The following NCBP2 variants were observed in gnomAD, a reference collection of about 807,000 sequenced individuals.
NCBP2 encodes nuclear cap binding protein subunit 2.
In NCBP2, 8 loss-of-function variants were observed where a neutral mutation model predicts 21.5. The observed-to-expected ratio is 0.37, with a 90% CI of 0.22 to 0.67. The LOEUF is 0.67. Ranked by LOEUF, NCBP2 falls within the 30% of genes least tolerant of loss-of-function variation. The pLI, the probability that NCBP2 is intolerant of heterozygous loss-of-function variation, is 0.56. For missense variants in NCBP2, 127 were observed against 206.9 expected, an observed-to-expected ratio of 0.61 and a Z score of 2.37; for synonymous variants, 92 against 75.8, an observed-to-expected ratio of 1.21 and a Z score of -1.11.
chr3:196,937,478 A>C (rs1160510137), intron 3 of NCBP2, 32 bp downstream of exon 3: 3 of 1,610,544 alleles, frequency 1.9e-6, no homozygotes, highest in Admixed American at 1.7e-5. Context: ...AATCCCAGGC[A>C]ATGGCTGAGC....
At chr3:196,938,428 TAAATTGGGCCTGCA>T (rs1194480541) in intron 2 of NCBP2, 1 of 152,110 alleles carries the variant, frequency 6.6e-6, no homozygotes. Context: ...AAAGATATAT[TAAATTGGGCCTGCA>T]AAATTTCTCA....
rs141568009 is a variant in NCBP2 at position 196,942,459 on chromosome 3, C to G, written c.45G>C (p.Val15=). The G allele has an allele frequency of 6.8e-6, 11 of 1,613,206 alleles. No individual in the cohort carries two copies. The highest frequency in any genetic ancestry group is 2.7e-5 in the African/African-American group (2 of 74,902). Reference sequence around the variant, plus strand: ...GCTGGTCCCGGTACTGGCTCAGCTCCACGTAGGAGTCGCTGCGCAGCGCCT... The same window carrying G: ...GCTGGTCCCGGTACTGGCTCAGCTCGACGTAGGAGTCGCTGCGCAGCGCCT... The part of the protein sequence containing the change: ...LLKALRSDSY[V]ELSQYRDQHF... The change falls in exon 1 of 4, where the codon GTG becomes GTC. Residue 15 remains valine, a synonymous_variant. Coordinates refer to ENST00000321256, the MANE Select transcript of NCBP2 (RefSeq NM_007362.5).
intron 1 of NCBP2, 149 bp from the exon 2 acceptor site, chr3:196,939,581 G>A (rs1331034787): frequency 2.9e-6 from 2 of 678,290 alleles, no homozygotes; most frequent in Non-Finnish European, 4.9e-6. Flanking sequence ...CCAAAAAGGG[G>A]GATGTCGACC....
At chr3:196,937,344 T>TAA in intron 3 of NCBP2, 166 bp downstream of exon 3, 3 of 989,682 alleles carry the variant, frequency 3.0e-6, no homozygotes, top group Non-Finnish European at 4.3e-6. Flanking sequence ...TTTCACGGTT[T>TAA]AAAAAAAAAA....
Position 196,935,406 on chromosome 3 carries a change from A to G in NCBP2, c.*1605T>C, listed in dbSNP as rs1323061483. ...GGCCAGGAAACAGGCAGCAACAACG[A>G]TAAGTTCATCCAGCTTTATTGAAAC... On this transcript the variant is annotated 3_prime_UTR_variant, in exon 4 of 4. Transcript: ENST00000321256. 2 of 152,236 alleles carry G rather than the reference A, an allele frequency of 1.3e-5. No individual in the cohort carries two copies. The highest frequency in any genetic ancestry group is 2.9e-5 in the Non-Finnish European group (2 of 68,040). The allele number at this position is 152,236 out of a possible 1,614,324, so 9.4% of individuals were successfully genotyped here. A position where few individuals can be genotyped will look rare whatever the true frequency, so the allele number is the denominator to read the frequency against.
intron 1 of NCBP2, chr3:196,941,584 A>C (rs1716570598): frequency 2.7e-6 from 1 of 374,600 alleles, no homozygotes. Flanking sequence ...AGAGCGCAGA[A>C]ACTGTCTTCC....
chr3:196,940,831 C>A (rs745930638), intron 1 of NCBP2: 1 of 152,306 alleles, frequency 6.6e-6, no homozygotes, highest in Non-Finnish European at 1.5e-5. Flanking sequence ...CTTAGGCATC[C>A]CAGCACTTTG....
chr3:196,941,283 G>A (rs1418198180), intron 1 of NCBP2: 1 of 152,078 alleles, frequency 6.6e-6, no homozygotes, highest in Non-Finnish European at 1.5e-5. Context: ...AGTAAGACGG[G>A]GTTTCACCAT....
At chr3:196,937,477 C>CAATG (rs776982845) in intron 3 of NCBP2, 33 bp downstream of exon 3, 2 of 1,610,178 alleles carry the variant, frequency 1.2e-6, no homozygotes, top group South Asian at 2.2e-5. Flanking sequence ...GAATCCCAGG[C>CAATG]AATGGCTGAG....
rs1186248524 is a variant in NCBP2, at chr3:196,942,499, G to C, written c.5C>G (p.Ser2Trp). The C allele has an allele frequency of 3.1e-6, 5 of 1,613,182 alleles. No homozygotes were observed. The highest frequency in any genetic ancestry group is 4.2e-6 in the Non-Finnish European group (5 of 1,179,842). The change falls in exon 1 of 4, where the codon TCG becomes TGG. Residue 2 changes from serine (S) to tryptophan (W), a missense_variant. Transcript: ENST00000321256. ...GCGCAGCGCCTTCAGGAGGCCACCC[G>C]ACATAGTGCAGAGAAGCGGACCACA... M[S>W]GGLLKALRSD...
intron 1 of NCBP2, chr3:196,942,028 C>A: frequency 6.5e-7 from 1 of 1,535,864 alleles, no homozygotes. Flanking sequence ...AGCAAAAAGC[C>A]CCGCATCTGC....
intron 3 of NCBP2, 139 bp downstream of exon 3, chr3:196,937,371 G>C: frequency 7.7e-7 from 1 of 1,295,940 alleles, no homozygotes; most frequent in Non-Finnish European, 1.1e-6. Flanking sequence ...CAAACCGTTG[G>C]GTGGTTTTCA....
At chr3:196,942,369 C>T in intron 1 of NCBP2, 57 bp downstream of exon 1, 1 of 1,583,212 alleles carries the variant, frequency 6.3e-7, no homozygotes, top group Non-Finnish European at 8.6e-7. Context: ...CAAGAGCAAA[C>T]CGTTTCTCAG....
chr3:196,941,770 T>C, intron 1 of NCBP2: 3 of 740,064 alleles, frequency 4.1e-6, no homozygotes, highest in Non-Finnish European at 6.5e-6. Flanking sequence ...CCACAAAATA[T>C]ACTGTGATAT....
intron 1 of NCBP2, 58 bp from the exon 2 acceptor site, chr3:196,939,490 T>G: frequency 8.0e-7 from 1 of 1,247,070 alleles, no homozygotes; most frequent in South Asian, 1.4e-5. Context: ...TTAAATAGTA[T>G]TTCTAAGTAC....
At position 196,935,719 on chromosome 3, in the gene NCBP2, T is replaced by C. The variant is rs892497988; in HGVS notation, c.*1292A>G. On this transcript the variant is annotated 3_prime_UTR_variant, in exon 4 of 4. Coordinates refer to ENST00000321256, the MANE Select transcript of NCBP2 (RefSeq NM_007362.5). ...GACTATTGGAAATTAGAAGGTACTT[T>C]GTTGCTAAGTGAAAAAAATGCACAT... 7 of 152,212 alleles carry C rather than the reference T, an allele frequency of 4.6e-5. No homozygotes were observed. Among genetic ancestry groups the C allele is most frequent in the African/African-American group, 1.7e-4 (7 of 41,452 alleles). 9.4% of individuals were successfully genotyped at this position (152,212 alleles called of 1,614,324 possible). A position where few individuals can be genotyped will look rare whatever the true frequency, so the allele number is the denominator to read the frequency against.
At chr3:196,937,302 G>C in intron 3 of NCBP2, 2 of 801,766 alleles carry the variant, frequency 2.5e-6, no homozygotes, top group Non-Finnish European at 3.9e-6. Context: ...GTTCAAGAAT[G>C]GTTGCTTGTT....
Position 196,939,291 on chromosome 3 carries a change from C to T in NCBP2, c.220G>A (p.Asp74Asn). 1 of 1,613,880 alleles carries T rather than the reference C, an allele frequency of 6.2e-7. No individual in the cohort carries two copies. Among genetic ancestry groups the T allele is most frequent in the Non-Finnish European group, 8.5e-7 (1 of 1,179,796 alleles). Residue 74 changes from aspartate (D) to asparagine (N), a missense_variant, in exon 2 of 4, where the codon GAT becomes AAT. By Grantham distance (23) the Asp-to-Asn change is conservative. Coordinates refer to ENST00000321256, the MANE Select transcript of NCBP2 (RefSeq NM_007362.5). ...GDIKKIIMGL[D>N]KMKKTACGFC... The stretch of plus-strand genomic sequence containing the variant: ...CCACATGCTGTTTTCTTCATTTTAT[C>T]CAGACCCATAATGATTTTCTTTATG...
chr3:196,935,655 A>G lies in NCBP2; in HGVS notation c.*1356T>C, dbSNP rs1455009006. On this transcript the variant is annotated 3_prime_UTR_variant, in exon 4 of 4. Transcript: ENST00000321256. ...ATTTCTACACTCAGTTTAACGGGAG[A>G]GACATTCACACTTAGGTACTTCAGC... 1 of 152,170 alleles carries G rather than the reference A, an allele frequency of 6.6e-6. No individual in the cohort carries two copies. Among genetic ancestry groups the G allele is most frequent in the East Asian group, 1.9e-4 (1 of 5,206 alleles). The allele number at this position is 152,170 out of a possible 1,614,324, so 9.4% of individuals were successfully genotyped here. A position where few individuals can be genotyped will look rare whatever the true frequency, so the allele number is the denominator to read the frequency against.
Sources: allele counts gnomAD v4.1 joint callset, GRCh38; gene constraint gnomAD v4.1.1; transcripts MANE v1.5; gene names NCBI Gene and HGNC (gene_info 2026-07-23, HGNC 2026-07-21).